The following PLCB4 variants were observed in gnomAD, a reference collection of about 807,000 sequenced individuals.
The protein encoded by PLCB4 is phospholipase C beta 4.
A neutral mutation model predicts 178.8 loss-of-function variants in PLCB4; 77 were observed. The observed-to-expected ratio is 0.43, with a 90% CI of 0.36 to 0.52. The LOEUF (loss-of-function observed/expected upper bound fraction) is 0.52. Among genes scored for constraint, PLCB4 ranks in the 20% least tolerant of loss-of-function variants. PLCB4 has a pLI of 0.00. For synonymous variants in PLCB4, 496 were observed against 490.8 expected, an observed-to-expected ratio of 1.01 and a Z score of -0.14; for missense variants, 1,024 against 1,453.4, an observed-to-expected ratio of 0.70 and a Z score of 4.80.
chr20:9,427,501 A>G (rs940033958), intron 28 of PLCB4, among the ~76,000 whole-genome samples: 1 of 152,232 alleles, frequency 6.6e-6, no homozygotes, highest in African/African-American at 2.4e-5. Context: ...TCTGTCATAC[A>G]CAAATAGAAG....
At chr20:9,421,949 T>G (rs1180963802) in intron 27 of PLCB4, among the ~76,000 whole-genome samples, 1 of 152,226 alleles carries the variant, frequency 6.6e-6, no homozygotes, top group Non-Finnish European at 1.5e-5. Context: ...CTGTTGTTAG[T>G]GTTTTATTTT....
chr20:9,069,377 C>T lies in PLCB4; in HGVS notation c.-135+171C>T, dbSNP rs566636727. Among the ~76,000 whole-genome samples the T allele has an allele frequency of 2.0e-3, 301 of 152,210 alleles. 3 individuals are homozygous for T. The highest frequency in any genetic ancestry group is 6.8e-3 in the African/African-American group (281 of 41,554). On this transcript the variant is annotated intron_variant, in intron 1 of 39. Coordinates refer to ENST00000378473, the MANE Select transcript of PLCB4 (RefSeq NM_001377142.1). ...CCAGGCGCCCTGTGCGCGCGGGAGG[C>T]AGGGGACCCAGACGCCATCCCCCTT...
intron 2 of PLCB4, among the ~76,000 whole-genome samples, chr20:9,193,466 T>C (rs555490272): frequency 5.8e-4 from 89 of 152,286 alleles, no homozygotes; most frequent in Non-Finnish European, 1.0e-3. Context: ...TGTGTCAGAA[T>C]GAACACAACT....
intron 3 of PLCB4, among the ~76,000 whole-genome samples, chr20:9,229,615 TA>T (rs1398163482): frequency 1.3e-5 from 2 of 151,936 alleles, no homozygotes. Context: ...GTGGTGAACT[TA>T]TTTTTTTTTT....
chr20:9,092,146 G>C (rs2208292), intron 1 of PLCB4, among the ~76,000 whole-genome samples: 133,387 of 152,158 alleles, frequency 0.88, 58,909 homozygotes, highest in East Asian at 1. Context: ...TTTAATCTAG[G>C]CATGCCACTA....
rs543210527 is a variant in PLCB4, at chr20:9,124,227, C to T, written c.-79+27885C>T. Among the ~76,000 whole-genome samples the T allele has an allele frequency of 5.3e-5, 8 of 152,212 alleles. No individual in the cohort carries two copies. In the South Asian group the frequency reaches 6.2e-4, roughly 12 times the overall value. ...ATCATTTACAAAATTAAATCTCAAC[C>T]GGGTGAGACAGCTCACACCTGTAAT... On this transcript the variant is annotated intron_variant, in intron 2 of 39. Coordinates refer to ENST00000378473, the MANE Select transcript of PLCB4 (RefSeq NM_001377142.1).
intron 2 of PLCB4, among the ~76,000 whole-genome samples, chr20:9,182,687 C>T (rs1208222214): frequency 6.6e-6 from 1 of 152,144 alleles, no homozygotes; most frequent in Non-Finnish European, 1.5e-5. Context: ...GCGCCTAGGA[C>T]ATGGGACTTC....
intron 32 of PLCB4, among the ~76,000 whole-genome samples, chr20:9,444,761 CA>C (rs1016038746): frequency 6.7e-6 from 1 of 149,326 alleles, no homozygotes; most frequent in African/African-American, 2.5e-5. Context: ...GACTCCATCT[CA>C]AAAAAAAAGA....
intron 29 of PLCB4, 98 bp from the exon 30 acceptor site, chr20:9,436,904 A>G (rs762843629): frequency 9.9e-6 from 11 of 1,110,502 alleles, no homozygotes; most frequent in South Asian, 1.5e-5. Context: ...TAGGAAGAGT[A>G]TGGTAGAAGT....
In PLCB4 at chr20:9,159,838, A is replaced by T. The variant is rs912170714; in HGVS notation, c.-78-57552A>T. On this transcript the variant is annotated intron_variant, in intron 2 of 39. Coordinates refer to ENST00000378473, the MANE Select transcript of PLCB4 (RefSeq NM_001377142.1). ...ATATTAAACACTAATATTAAATATT[A>T]TGGTTCCAAAGTCATAGCAAGATAT... is the stretch of plus-strand genomic sequence containing the variant. Among the ~76,000 whole-genome samples the T allele has an allele frequency of 2.2e-4, 34 of 152,218 alleles. 1 individual carries two copies. The highest frequency in any genetic ancestry group is 1.9e-4 in the East Asian group (1 of 5,204).
At chr20:9,267,011 A>G (rs1462816349) in intron 3 of PLCB4, among the ~76,000 whole-genome samples, 2 of 152,188 alleles carry the variant, frequency 1.3e-5, no homozygotes, top group African/African-American at 4.8e-5. Flanking sequence ...CAAATAGAAC[A>G]GAGCAAGTTT....
intron 12 of PLCB4, among the ~76,000 whole-genome samples, chr20:9,379,618 G>C (rs2036968339): frequency 6.6e-6 from 1 of 152,072 alleles, no homozygotes; most frequent in Non-Finnish European, 1.5e-5. Flanking sequence ...ATTGCTTTTG[G>C]GGTTTTTGAG....
chr20:9,333,834 A>C (rs1038584855), intron 4 of PLCB4, among the ~76,000 whole-genome samples: 1 of 152,114 alleles, frequency 6.6e-6, no homozygotes, highest in South Asian at 2.1e-4. Flanking sequence ...AAAATTAAGG[A>C]TGACTCTTAG....
intron 14 of PLCB4, among the ~76,000 whole-genome samples, 178 bp from the exon 15 acceptor site, chr20:9,387,285 A>G (rs559218471): frequency 1.3e-5 from 2 of 152,284 alleles, no homozygotes; most frequent in South Asian, 4.1e-4. Flanking sequence ...GATAATACCA[A>G]CCAGATGAGG....
chr20:9,387,578 C>A, intron 15 of PLCB4, 22 bp downstream of exon 15: 1 of 1,116,586 alleles, frequency 9.0e-7, no homozygotes, highest in Non-Finnish European at 1.3e-6. Context: ...AATAATTACA[C>A]AGACTTTTCC....
At chr20:9,476,818 G>T (rs1568924907) in intron 39 of PLCB4, 65 bp downstream of exon 39, 7 of 1,086,092 alleles carry the variant, frequency 6.4e-6, no homozygotes, top group Admixed American at 3.4e-5. Flanking sequence ...TATTCTCTGT[G>T]CAGTCTCCAT....
intron 2 of PLCB4, among the ~76,000 whole-genome samples, chr20:9,181,108 TC>T (rs2147089774): frequency 6.6e-6 from 1 of 152,280 alleles, no homozygotes; most frequent in Admixed American, 6.5e-5. Flanking sequence ...ATCAGAGATG[TC>T]CTAAGGGTTG....
intron 3 of PLCB4, among the ~76,000 whole-genome samples, chr20:9,227,188 T>A (rs760800751): frequency 1.3e-5 from 2 of 151,886 alleles, no homozygotes; most frequent in Admixed American, 6.6e-5. Flanking sequence ...TTTTTTTTTT[T>A]ATATGTACTG....
chr20:9,351,240 G>T (rs1390936917), intron 7 of PLCB4, among the ~76,000 whole-genome samples: 5 of 151,912 alleles, frequency 3.3e-5, no homozygotes, highest in African/African-American at 1.2e-4. Context: ...CAACGTGCAG[G>T]TTAGTTACAT....
Sources: gnomAD v4.1 joint callset for allele counts (sites outside exome capture counted in the v4.1 genomes callset) on GRCh38, gnomAD v4.1.1 for gene constraint, MANE v1.5 for transcripts, NCBI Gene and HGNC (gene_info 2026-07-23, HGNC 2026-07-21) for gene names.